Variants in STARD13 observed in about 807,000 individuals in gnomAD.
STARD13 encodes the protein stAR-related lipid transfer protein 13.
Under a neutral mutation model 106.4 loss-of-function variants are expected in STARD13, and 62 were observed. The ratio of observed to expected loss-of-function variants is 0.58; its 90% confidence interval spans 0.48 to 0.72. The LOEUF is 0.72. Among genes scored for constraint, STARD13 ranks in the 30% least tolerant of loss-of-function variants. The pLI is 0.00. For synonymous variants in STARD13, 565 were observed against 553.0 expected, an observed-to-expected ratio of 1.02 and a Z score of -0.31; for missense variants, 1,387 against 1,424.0, an observed-to-expected ratio of 0.97 and a Z score of 0.42.
chr13:33,409,363 A>G, the STARD13 span, among the ~76,000 whole-genome samples: 9 of 152,312 alleles, frequency 5.9e-5, no homozygotes, highest in African/African-American at 2.2e-4. Context: ...TAACTTACTC[A>G]AGGTCACCCA....
chr13:33,629,353 T>C, the STARD13 span, among the ~76,000 whole-genome samples: 1 of 152,250 alleles, frequency 6.6e-6, no homozygotes, highest in Admixed American at 6.5e-5. Flanking sequence ...AAAGTGTGTC[T>C]CCATTTAAAC....
At chr13:33,138,379 T>A (rs1250905208) in intron 4 of STARD13, 1 of 151,928 alleles carries the variant, frequency 6.6e-6, no homozygotes, top group Non-Finnish European at 1.5e-5. Context: ...TGCCTTGGTG[T>A]TTTTAATTTA....
the STARD13 span, among the ~76,000 whole-genome samples, chr13:33,666,231 T>C: frequency 5.9e-5 from 9 of 152,212 alleles, no homozygotes; most frequent in African/African-American, 2.4e-5. Flanking sequence ...TTAATGTTAC[T>C]AATACATTGA....
At chr13:33,602,476 G>A in the STARD13 span, among the ~76,000 whole-genome samples, 3 of 152,228 alleles carry the variant, frequency 2.0e-5, no homozygotes, top group African/African-American at 7.2e-5. Flanking sequence ...AAGAAAGCCA[G>A]AGCACATAGA....
chr13:33,145,023 G>T (rs17078599), intron 3 of STARD13, among the ~76,000 whole-genome samples: 1,664 of 152,286 alleles, frequency 0.011, 41 homozygotes, highest in African/African-American at 0.037. Flanking sequence ...ACTCTAAGTA[G>T]ATTTGACTTT....
chr13:33,200,425 C>T (rs1159393381), intron 1 of STARD13, among the ~76,000 whole-genome samples: 1 of 152,180 alleles, frequency 6.6e-6, no homozygotes, highest in Admixed American at 6.5e-5. Context: ...CAAAGCGTCA[C>T]CAACAACGAG....
the STARD13 span, among the ~76,000 whole-genome samples, chr13:33,663,485 G>C: frequency 6.6e-6 from 1 of 152,084 alleles, no homozygotes; most frequent in African/African-American, 2.4e-5. Flanking sequence ...CAAAAACAAT[G>C]TTTATGATGA....
chr13:33,494,069 G>C, the STARD13 span, among the ~76,000 whole-genome samples: 1 of 152,188 alleles, frequency 6.6e-6, no homozygotes, highest in Admixed American at 6.5e-5. Flanking sequence ...TCACTTCCAA[G>C]TTTCCTTTGA....
chr13:33,429,988 G>T, the STARD13 span, among the ~76,000 whole-genome samples: 3 of 151,722 alleles, frequency 2.0e-5, no homozygotes, highest in Non-Finnish European at 4.4e-5. Flanking sequence ...CGCGATCTCG[G>T]CTCACTGCAA....
At chr13:33,187,618 A>G (rs1045230603) in intron 1 of STARD13, among the ~76,000 whole-genome samples, 12 of 151,752 alleles carry the variant, frequency 7.9e-5, no homozygotes, top group Non-Finnish European at 1.5e-4. Flanking sequence ...TTTTAATAAA[A>G]GGATATTTTT....
At chr13:33,348,126 C>A (rs1333020888), downstream of STARD13, among the ~76,000 whole-genome samples, 5 of 152,150 alleles carry the variant, frequency 3.3e-5, no homozygotes, top group Admixed American at 3.3e-4. Flanking sequence ...CCACTGTGAG[C>A]AGAGTGGTAA....
intron 4 of STARD13, among the ~76,000 whole-genome samples, chr13:33,132,547 C>A (rs1342017551): frequency 5.3e-5 from 8 of 152,168 alleles, no homozygotes; most frequent in Non-Finnish European, 1.2e-4. Context: ...TCAGGTATGT[C>A]TTTATCAGCA....
the STARD13 span, among the ~76,000 whole-genome samples, chr13:33,551,701 T>C: frequency 6.8e-6 from 1 of 147,720 alleles, no homozygotes; most frequent in Non-Finnish European, 1.5e-5. Flanking sequence ...TGGATTCAAG[T>C]GATTCTCCTG....
the STARD13 span, among the ~76,000 whole-genome samples, chr13:33,509,807 G>A: frequency 1.6e-3 from 249 of 152,292 alleles, 3 homozygotes; most frequent in Non-Finnish European, 2.8e-4. Flanking sequence ...AACTCGTAGG[G>A]CGAATTTTCA....
chr13:33,331,793 T>C (rs1220128796), intron 1 of STARD13, among the ~76,000 whole-genome samples: 2 of 152,196 alleles, frequency 1.3e-5, no homozygotes, highest in Non-Finnish European at 2.9e-5. Context: ...GTTCACTCAA[T>C]AAATGTTTTT....
intron 1 of STARD13, among the ~76,000 whole-genome samples, chr13:33,291,474 A>C (rs564711562): frequency 2.6e-5 from 4 of 152,226 alleles, no homozygotes; most frequent in African/African-American, 9.6e-5. Context: ...ACAGTAGTAC[A>C]TGGTACACTG....
chr13:33,275,398 T>C (rs1327341076), intron 1 of STARD13, among the ~76,000 whole-genome samples: 1 of 152,216 alleles, frequency 6.6e-6, no homozygotes, highest in Admixed American at 6.5e-5. Context: ...AATTGAGCAC[T>C]TAGTATGTGC....
the STARD13 span, among the ~76,000 whole-genome samples, chr13:33,506,669 G>A: frequency 6.6e-6 from 1 of 152,110 alleles, no homozygotes; most frequent in African/African-American, 2.4e-5. Context: ...AGATACATTC[G>A]AAGGGCAAAT....
Position 33,105,483 on chromosome 13 carries a change from A to G in STARD13, c.*110T>C. 1.3e-6 allele frequency: 1 copy of G among 759,436 alleles called. No individual in the cohort carries two copies. The highest frequency in any genetic ancestry group is 2.5e-5 in the East Asian group (1 of 40,470). The allele number at this position is 759,436 out of a possible 1,614,324, so 47.0% of individuals were successfully genotyped here. A position where few individuals can be genotyped will look rare whatever the true frequency, so the allele number is the denominator to read the frequency against. The stretch of plus-strand genomic sequence containing the variant: ...CTTAACGTTTCCATTTTTAGGCATT[A>G]ACCGCGTCCTTCAGTTCCTCTTTCT... On this transcript the variant is annotated 3_prime_UTR_variant, in exon 14 of 14. Transcript: ENST00000336934.
Sources: gnomAD v4.1 joint callset for allele counts (sites outside exome capture counted in the v4.1 genomes callset) on GRCh38, gnomAD v4.1.1 for gene constraint, MANE v1.5 for transcripts, NCBI Gene and HGNC (gene_info 2026-07-23, HGNC 2026-07-21) for gene names.